MAJIN: variants seen among roughly 807,000 people sequenced by gnomAD.
The protein encoded by MAJIN is membrane-anchored junction protein.
Under a neutral mutation model 30.2 loss-of-function variants are expected in MAJIN, and 27 were observed. The ratio of observed to expected loss-of-function variants is 0.89; its 90% CI spans 0.66 to 1.23. The LOEUF is 1.23. MAJIN is among the 50% of genes most tolerant of loss of function. The pLI, the probability that MAJIN is intolerant of heterozygous loss-of-function variation, is 0.00. For missense variants in MAJIN, 253 were observed against 260.3 expected (o/e 0.97, Z 0.19); for synonymous variants, 78 against 91.6 (o/e 0.85, Z 0.85).
chr11:64,951,458 T>C (rs1423901790), intron 4 of MAJIN, among the ~76,000 whole-genome samples: 1 of 152,150 alleles, frequency 6.6e-6, no homozygotes, highest in African/African-American at 2.4e-5. Flanking sequence ...GTTCTCATGT[T>C]TGTGTTCAAA....
chr11:64,943,167 C>G (rs1397240612), intron 8 of MAJIN, among the ~76,000 whole-genome samples: 1 of 152,220 alleles, frequency 6.6e-6, no homozygotes, highest in Non-Finnish European at 1.5e-5. Flanking sequence ...AGGACCAGAT[C>G]TGTTTACAAG....
Position 64,939,092 on chromosome 11 carries a change from CTAATT to C in MAJIN, c.*2-524_*2-520del, listed in dbSNP as rs534665757. Among the ~76,000 whole-genome samples the C allele has an allele frequency of 1.6e-3, 241 of 152,182 alleles. 1 individual carries two copies. Among genetic ancestry groups the C allele is most frequent in the Non-Finnish European group, 2.6e-3 (176 of 68,012 alleles). The stretch of plus-strand genomic sequence containing the variant: ...TTACAGAACATTCCACCACATCCGG[CTAATT>C]TTATTTTATTTTATTTTTTTAATCT... On this transcript the variant is annotated intron_variant, in intron 10 of 10. Transcript: ENST00000301896.
In MAJIN at chr11:64,959,319, A is replaced by G. The variant is rs1350212780; in HGVS notation, c.87T>C (p.Tyr29=). The change falls in exon 3 of 11, where the codon TAT becomes TAC. Residue 29 remains tyrosine (Y), a synonymous_variant. Transcript: ENST00000301896. ...TTTGAAATTACCTGATACTCTTCCC[A>G]TATCTGATTTTGAATTTATACACAT... ...GPNVYKFKIR[Y]GKSIRGEEIE... 3.1e-6 allele frequency: 5 copies of G among 1,612,626 alleles called. No individual in the cohort carries two copies. Among genetic ancestry groups the G allele is most frequent in the Non-Finnish European group, 2.5e-6 (3 of 1,178,770 alleles).
Position 64,959,375 on chromosome 11 carries a change from G to C in MAJIN, c.31C>G (p.Pro11Ala). 1 of 1,613,962 alleles carries C rather than the reference G, an allele frequency of 6.2e-7. No individual in the cohort carries two copies. The highest frequency in any genetic ancestry group is 8.5e-7 in the Non-Finnish European group (1 of 1,179,886). The change falls in exon 3 of 11, where the codon CCA becomes GCA. Residue 11 changes from proline (P) to alanine (A), a missense_variant. By Grantham distance (27) the Pro-to-Ala change is conservative. Coordinates refer to ENST00000301896, the MANE Select transcript of MAJIN (RefSeq NM_001037225.3). MSLKPFTYPF[P>A]ETRFLHAGPN... The stretch of plus-strand genomic sequence containing the variant: ...CCTGCATGAAGAAACCTCGTCTCTG[G>C]AAACGGGTAGGTAAAGGGTTTTAAA...
At chr11:64,955,892 G>A (rs1206930584) in intron 3 of MAJIN, among the ~76,000 whole-genome samples, 10 of 152,216 alleles carry the variant, frequency 6.6e-5, no homozygotes, top group Non-Finnish European at 1.0e-4. Flanking sequence ...CAGGCCAGGC[G>A]CAGTGGCTCA....
At chr11:64,957,863 A>G (rs946275273) in intron 3 of MAJIN, among the ~76,000 whole-genome samples, 8 of 151,044 alleles carry the variant, frequency 5.3e-5, no homozygotes, top group African/African-American at 2.0e-4. Flanking sequence ...TGCCTGGCTC[A>G]CTAAATATAA....
At chr11:64,962,139 G>A (rs1226303369) in intron 1 of MAJIN, among the ~76,000 whole-genome samples, 2 of 152,190 alleles carry the variant, frequency 1.3e-5, no homozygotes, top group Non-Finnish European at 2.9e-5. Context: ...CCCTAACAGA[G>A]GGATGGGGCA....
chr11:64,965,341 A>G (rs1368527204), intron 1 of MAJIN, among the ~76,000 whole-genome samples: 1 of 152,216 alleles, frequency 6.6e-6, no homozygotes, highest in Non-Finnish European at 1.5e-5. Context: ...TAAACCTAAC[A>G]GAGAATTAGG....
At chr11:64,954,600 G>A in intron 4 of MAJIN, 157 bp downstream of exon 4, 1 of 753,762 alleles carries the variant, frequency 1.3e-6, no homozygotes. Context: ...AATTCCCATG[G>A]AAAAACATAA....
At chr11:64,947,692 G>C (rs1213732090) in intron 7 of MAJIN, 96 bp downstream of exon 7, 1 of 1,369,332 alleles carries the variant, frequency 7.3e-7, no homozygotes, top group Non-Finnish European at 1.0e-6. Context: ...GGCAGCAACT[G>C]AGGGCAAAGT....
chr11:64,963,427 A>G (rs1945758227), intron 1 of MAJIN, among the ~76,000 whole-genome samples: 1 of 152,254 alleles, frequency 6.6e-6, no homozygotes, highest in Admixed American at 6.5e-5. Context: ...AATATTGACT[A>G]CTGAGGCAGA....
At chr11:64,942,739 G>T (rs1565120837) in intron 8 of MAJIN, among the ~76,000 whole-genome samples, 1 of 152,326 alleles carries the variant, frequency 6.6e-6, no homozygotes, top group East Asian at 1.9e-4. Flanking sequence ...ACTCTGGGGA[G>T]GAAGAAGACC....
chr11:64,954,707 T>A, intron 4 of MAJIN, 50 bp downstream of exon 4: 2 of 1,559,576 alleles, frequency 1.3e-6, no homozygotes, highest in South Asian at 2.2e-5. Flanking sequence ...TGAATGTGGA[T>A]GCATCCTTAA....
At chr11:64,958,786 G>A (rs1945677050) in intron 3 of MAJIN, among the ~76,000 whole-genome samples, 1 of 151,764 alleles carries the variant, frequency 6.6e-6, no homozygotes, top group African/African-American at 2.4e-5. Flanking sequence ...CACCATGCCT[G>A]GCTAATTTTT....
intron 3 of MAJIN, among the ~76,000 whole-genome samples, chr11:64,957,622 T>C (rs1945656866): frequency 6.6e-6 from 1 of 152,086 alleles, no homozygotes; most frequent in Non-Finnish European, 1.5e-5. Context: ...CAGGCTGCTC[T>C]TGAACTCCTG....
intron 5 of MAJIN, 122 bp downstream of exon 5, chr11:64,950,233 G>A: frequency 1.2e-6 from 1 of 845,532 alleles, no homozygotes; most frequent in South Asian, 1.8e-5. Flanking sequence ...GAGAGGCTGA[G>A]GCAAGAGAAT....
At chr11:64,941,826 G>A (rs190475728) in intron 8 of MAJIN, among the ~76,000 whole-genome samples, 11 of 152,126 alleles carry the variant, frequency 7.2e-5, no homozygotes, top group Non-Finnish European at 1.0e-4. Flanking sequence ...TTGTCATGAC[G>A]GGGGTGAGGA....
At chr11:64,960,351 C>T (rs567143381) in intron 1 of MAJIN, among the ~76,000 whole-genome samples, 1 of 152,084 alleles carries the variant, frequency 6.6e-6, no homozygotes, top group Non-Finnish European at 1.5e-5. Flanking sequence ...AATTTCTGAG[C>T]CTTGGTTTTC....
chr11:64,949,461 T>C (rs1945515015), intron 6 of MAJIN, among the ~76,000 whole-genome samples: 1 of 152,254 alleles, frequency 6.6e-6, no homozygotes, highest in South Asian at 2.1e-4. Context: ...ACTTTTCATC[T>C]ACTACTATTT....
Sources: allele counts gnomAD v4.1 joint callset (sites outside exome capture counted in the v4.1 genomes callset), GRCh38; gene constraint gnomAD v4.1.1; transcripts MANE v1.5; gene names NCBI Gene and HGNC (gene_info 2026-07-23, HGNC 2026-07-21).